GARNL3: variants seen among roughly 807,000 people sequenced by gnomAD.
GARNL3 encodes GTPase-activating Rap/Ran-GAP domain-like protein 3.
Under a neutral mutation model 125.0 loss-of-function variants are expected in GARNL3, and 63 were observed. The ratio of observed to expected loss-of-function variants is 0.50; its 90% confidence interval spans 0.41 to 0.62. The LOEUF is 0.62. Among genes scored for constraint, GARNL3 ranks in the 20% least tolerant of loss-of-function variants. The pLI is 0.00. For missense variants in GARNL3, 994 were observed against 1,244.0 expected (o/e 0.80, Z 3.02); for synonymous variants, 439 against 457.5 (o/e 0.96, Z 0.52).
intron 21 of GARNL3, 71 bp downstream of exon 21, chr9:127,357,448 C>T: frequency 7.0e-7 from 1 of 1,425,420 alleles, no homozygotes; most frequent in Admixed American, 1.9e-5. Flanking sequence ...CTAACCCTGA[C>T]ATGCCATGAT....
At chr9:127,363,365 G>T (rs552951564) in intron 21 of GARNL3, 1 of 152,174 alleles carries the variant, frequency 6.6e-6, no homozygotes, top group East Asian at 1.9e-4. Flanking sequence ...TGCTTTTCTG[G>T]TTTTTTTTCT....
chr9:127,224,964 G>T (rs1455530069), intron 1 of GARNL3, among the ~76,000 whole-genome samples: 17 of 145,780 alleles, frequency 1.2e-4, no homozygotes, highest in Admixed American at 2.7e-4. Context: ...CCGGGCTGAG[G>T]GCGCGGGGGA....
intron 1 of GARNL3, among the ~76,000 whole-genome samples, chr9:127,285,399 G>A (rs996570624): frequency 3.9e-5 from 6 of 152,198 alleles, no homozygotes; most frequent in Admixed American, 2.0e-4. Flanking sequence ...CTCCAGCCTG[G>A]GCAACAAGAG....
At chr9:127,251,802 A>C (rs1350720991) in intron 2 of GARNL3, among the ~76,000 whole-genome samples, 1 of 152,212 alleles carries the variant, frequency 6.6e-6, no homozygotes, top group East Asian at 1.9e-4. Context: ...AGCAGAAGGC[A>C]GTTGAAAAAA....
chr9:127,270,113 G>C (rs935598456), intron 1 of GARNL3, among the ~76,000 whole-genome samples: 7 of 152,058 alleles, frequency 4.6e-5, no homozygotes, highest in Non-Finnish European at 8.8e-5. Context: ...ATGGTGTGAG[G>C]TAAGAGTCCA....
rs1015629493 is a variant in GARNL3, at chr9:127,365,480, G to A, written c.2161+114G>A. ...TACCCAGTGTATCATTCCTGGGTTT[G>A]TAATTGCCTTCCAGGAAGGAACTGA... is the stretch of plus-strand genomic sequence containing the variant. On this transcript the variant is annotated intron_variant, in intron 22 of 27. Coordinates refer to ENST00000373387, the MANE Select transcript of GARNL3 (RefSeq NM_032293.5). 1.2e-5 allele frequency: 10 copies of A among 854,942 alleles called. No homozygotes were observed. The African/African-American group carries it at 1.5e-4, about 13-fold the overall frequency. The allele number at this position is 854,942 out of a possible 1,614,324, so 53.0% of individuals were successfully genotyped here. A position where few individuals can be genotyped will look rare whatever the true frequency, so the allele number is the denominator to read the frequency against.
chr9:127,241,321 C>G (rs1323391946), intron 1 of GARNL3, among the ~76,000 whole-genome samples: 1 of 152,154 alleles, frequency 6.6e-6, no homozygotes, highest in East Asian at 1.9e-4. Flanking sequence ...GAAAATGTCT[C>G]TCATCCTGAA....
chr9:127,390,854 G>A (rs961507050), intron 27 of GARNL3, 87 bp downstream of exon 27: 1 of 1,339,300 alleles, frequency 7.5e-7, no homozygotes, highest in African/African-American at 1.5e-5. Context: ...GATTGATAAT[G>A]CCACTAGTGG....
intron 7 of GARNL3, among the ~76,000 whole-genome samples, chr9:127,327,160 C>T (rs1052239695): frequency 1.7e-4 from 26 of 152,206 alleles, no homozygotes; most frequent in Non-Finnish European, 1.5e-5. Flanking sequence ...TGATTCAACA[C>T]ATACTTATTG....
chr9:127,300,380 C>A (rs1042015381), intron 2 of GARNL3: 10 of 333,622 alleles, frequency 3.0e-5, no homozygotes, highest in South Asian at 7.7e-5. Context: ...TTATTTGACC[C>A]CTTTCACCTC....
At chr9:127,287,167 G>C (rs1234512931) in intron 1 of GARNL3, among the ~76,000 whole-genome samples, 1 of 152,178 alleles carries the variant, frequency 6.6e-6, no homozygotes, top group African/African-American at 2.4e-5. Flanking sequence ...ATGGGGTCTA[G>C]CTTTGTGTCC....
intron 14 of GARNL3, among the ~76,000 whole-genome samples, chr9:127,342,900 T>C (rs1477655427): frequency 6.8e-6 from 1 of 147,682 alleles, no homozygotes; most frequent in Non-Finnish European, 1.5e-5. Context: ...TTCTTTTTTT[T>C]TTTTTTTTTT....
chr9:127,232,917 T>C (rs1337448576), intron 1 of GARNL3, among the ~76,000 whole-genome samples: 1 of 152,224 alleles, frequency 6.6e-6, no homozygotes, highest in Non-Finnish European at 1.5e-5. Context: ...GCTTTCTCAA[T>C]AATTCTAGCA....
intron 2 of GARNL3, among the ~76,000 whole-genome samples, chr9:127,258,381 T>G (rs1240268606): frequency 6.6e-6 from 1 of 152,208 alleles, no homozygotes; most frequent in Non-Finnish European, 1.5e-5. Context: ...GGCTCACGCC[T>G]GTAATCCCAA....
intron 1 of GARNL3, among the ~76,000 whole-genome samples, chr9:127,288,803 T>C (rs893452737): frequency 3.9e-5 from 6 of 152,240 alleles, no homozygotes; most frequent in Non-Finnish European, 8.8e-5. Context: ...TATTTTTATA[T>C]GAATGAATGA....
chr9:127,368,158 C>T (rs769043813), intron 22 of GARNL3, among the ~76,000 whole-genome samples: 25 of 148,914 alleles, frequency 1.7e-4, no homozygotes, highest in African/African-American at 6.2e-4. Flanking sequence ...AGAGAGGCGA[C>T]GGGATCCACA....
chr9:127,256,529 A>C (rs1232185253), intron 2 of GARNL3, among the ~76,000 whole-genome samples: 2 of 152,058 alleles, frequency 1.3e-5, no homozygotes, highest in African/African-American at 4.8e-5. Context: ...TTTCTTTCCC[A>C]CTGCACTGTA....
intron 7 of GARNL3, 77 bp from the exon 8 acceptor site, chr9:127,332,197 T>C (rs1450623204): frequency 2.8e-6 from 3 of 1,062,266 alleles, no homozygotes; most frequent in Admixed American, 3.5e-5. Flanking sequence ...TTGTGCTAAG[T>C]CACGAACAGC....
At chr9:127,254,111 G>A (rs1248606634) in intron 2 of GARNL3, among the ~76,000 whole-genome samples, 1 of 152,138 alleles carries the variant, frequency 6.6e-6, no homozygotes, top group Non-Finnish European at 1.5e-5. Flanking sequence ...CAGGGTAACT[G>A]TAACAAAATC....
Sources: allele counts gnomAD v4.1 joint callset (sites outside exome capture counted in the v4.1 genomes callset), GRCh38; gene constraint gnomAD v4.1.1; transcripts MANE v1.5; gene names NCBI Gene and HGNC (gene_info 2026-07-23, HGNC 2026-07-21).